The following UNC13C variants were observed in gnomAD, a reference collection of about 807,000 sequenced individuals.
UNC13C encodes the protein unc-13 homolog C, also known as protein unc-13 homolog C.
Under a neutral mutation model 245.4 loss-of-function variants are expected in UNC13C, and 174 were observed. That is an observed-to-expected ratio of 0.71 (90% CI 0.63 to 0.80). The LOEUF (loss-of-function observed/expected upper bound fraction) is 0.80, where lower values mean the gene tolerates loss of function less well. Ranked by LOEUF, UNC13C falls within the 30% of genes least tolerant of loss-of-function variation. UNC13C has a pLI of 0.00. For missense variants in UNC13C, 2,829 were observed against 2,602.9 expected (o/e 1.09, Z -1.89); for synonymous variants, 992 against 895.1 (o/e 1.11, Z -1.93).
At chr15:54,184,838 G>A (rs1238967487) in intron 4 of UNC13C, among the ~76,000 whole-genome samples, 1 of 152,142 alleles carries the variant, frequency 6.6e-6, no homozygotes, top group East Asian at 1.9e-4. Flanking sequence ...CTGAGCAATT[G>A]CCACACCGAC....
At chr15:54,037,654 T>A (rs963412315) in intron 2 of UNC13C, among the ~76,000 whole-genome samples, 4 of 152,100 alleles carry the variant, frequency 2.6e-5, no homozygotes, top group African/African-American at 7.2e-5. Context: ...GATTGGTCTG[T>A]TTTTGGATGT....
At chr15:54,367,136 C>T (rs1251121218) in intron 17 of UNC13C, among the ~76,000 whole-genome samples, 1 of 152,106 alleles carries the variant, frequency 6.6e-6, no homozygotes, top group Non-Finnish European at 1.5e-5. Flanking sequence ...TATAGTTTCT[C>T]AGAAGCTATC....
rs1236345263 is a variant in UNC13C at position 54,225,917 on chromosome 15, C to T, written c.3072-9113C>T. ...AAAGCAAATGCTTCCAGCTTTTGCCCATTCAGTATAATTTTGGCTGTGGGT... is the reference window on the plus strand; with the variant it reads ...AAAGCAAATGCTTCCAGCTTTTGCCTATTCAGTATAATTTTGGCTGTGGGT... On this transcript the variant is annotated intron_variant, in intron 4 of 32. Transcript: ENST00000260323. Among the ~76,000 whole-genome samples, 4 of 152,252 alleles carry T rather than the reference C, an allele frequency of 2.6e-5. 1 individual carries two copies. The highest frequency in any genetic ancestry group is 6.8e-3 in the Middle Eastern group (2 of 294).
the UNC13C span, among the ~76,000 whole-genome samples, chr15:53,905,715 T>C: frequency 6.6e-6 from 1 of 152,090 alleles, no homozygotes; most frequent in Admixed American, 6.6e-5. Flanking sequence ...GTAAGGTGAC[T>C]ATAGCTTACT....
chr15:53,894,907 A>G, the UNC13C span, among the ~76,000 whole-genome samples: 3,331 of 152,246 alleles, frequency 0.022, 141 homozygotes, highest in African/African-American at 0.076. Context: ...GGACTATATT[A>G]TTTCATTTAA....
At chr15:54,059,766 G>C (rs1363088159) in intron 2 of UNC13C, among the ~76,000 whole-genome samples, 1 of 152,148 alleles carries the variant, frequency 6.6e-6, no homozygotes, top group Non-Finnish European at 1.5e-5. Flanking sequence ...TACCAAAATA[G>C]AGATATAGAC....
intron 4 of UNC13C, among the ~76,000 whole-genome samples, chr15:54,202,421 A>G (rs1467662648): frequency 6.6e-6 from 1 of 152,032 alleles, no homozygotes; most frequent in East Asian, 1.9e-4. Flanking sequence ...TTCAAACTAT[A>G]CTATAAGCCA....
At chr15:54,525,507 T>G (rs1358453304) in intron 24 of UNC13C, 42 bp from the exon 25 acceptor site, 2 of 1,508,358 alleles carry the variant, frequency 1.3e-6, no homozygotes, top group Non-Finnish European at 1.8e-6. Context: ...AGGCATGCTT[T>G]CTCAAAACTC....
chr15:54,078,946 C>T (rs1026382591), intron 2 of UNC13C, among the ~76,000 whole-genome samples: 16 of 152,064 alleles, frequency 1.1e-4, no homozygotes, highest in African/African-American at 3.6e-4. Flanking sequence ...AGTTTCAGGT[C>T]TTACATTTAA....
At chr15:54,462,648 C>T (rs780702745) in intron 19 of UNC13C, among the ~76,000 whole-genome samples, 8 of 152,228 alleles carry the variant, frequency 5.3e-5, no homozygotes, top group Non-Finnish European at 1.0e-4. Flanking sequence ...CCGGCCTGCC[C>T]GCAATGCGCT....
chr15:53,983,078 G>A (rs16973928), intron 1 of UNC13C, among the ~76,000 whole-genome samples: 9,806 of 152,166 alleles, frequency 0.064, 907 homozygotes, highest in African/African-American at 0.21. Context: ...CCATGGAACT[G>A]CACATTTTGT....
the UNC13C span, among the ~76,000 whole-genome samples, chr15:53,851,573 TG>T: frequency 6.6e-6 from 1 of 152,172 alleles, no homozygotes; most frequent in Admixed American, 6.5e-5. Flanking sequence ...ACCTTTCACC[TG>T]CCCAAGGCAG....
At chr15:54,514,420 G>A (rs1483346971) in intron 24 of UNC13C, among the ~76,000 whole-genome samples, 1 of 152,152 alleles carries the variant, frequency 6.6e-6, no homozygotes, top group African/African-American at 2.4e-5. Flanking sequence ...TTCCAGGCTA[G>A]ACCTTATTCT....
chr15:54,281,190 G>T (rs1351184295), intron 10 of UNC13C, among the ~76,000 whole-genome samples: 2 of 152,098 alleles, frequency 1.3e-5, no homozygotes, highest in African/African-American at 4.8e-5. Context: ...AGTTTATAAA[G>T]TGCTATTATT....
chr15:53,913,614 G>T, the UNC13C span: 1 of 152,220 alleles, frequency 6.6e-6, no homozygotes, highest in Non-Finnish European at 1.5e-5. Flanking sequence ...CATCGACTGG[G>T]ACAGCACAGA....
chr15:54,439,706 G>A (rs1280288884), intron 19 of UNC13C, among the ~76,000 whole-genome samples: 1 of 151,756 alleles, frequency 6.6e-6, no homozygotes, highest in Non-Finnish European at 1.5e-5. Flanking sequence ...TTTGTTCCAT[G>A]CATATAATAT....
At chr15:54,035,759 C>T (rs767167984) in intron 2 of UNC13C, among the ~76,000 whole-genome samples, 4 of 152,044 alleles carry the variant, frequency 2.6e-5, no homozygotes, top group South Asian at 4.1e-4. Context: ...AATAGATGAG[C>T]GCACCCAATG....
At chr15:54,004,554 G>T (rs1408210757) in intron 1 of UNC13C, among the ~76,000 whole-genome samples, 5 of 152,250 alleles carry the variant, frequency 3.3e-5, no homozygotes, top group African/African-American at 1.2e-4. Context: ...TCATATGGTA[G>T]CTCTATTTTT....
rs1426811700 is a variant in UNC13C, at chr15:54,552,530, AATATAATTATATATTATATTGT to A, written c.5877+2859_5878-2861del. Among the ~76,000 whole-genome samples, 25 of 25,962 alleles carry A rather than the reference AATATAATTATATATTATATTGT, an allele frequency of 9.6e-4. 2 individuals carry two copies. The highest frequency in any genetic ancestry group is 7.0e-3 in the African/African-American group (25 of 3,562). 17.0% of individuals were successfully genotyped at this position (25,962 alleles called of 152,430 possible). On this transcript the variant is annotated intron_variant, in intron 28 of 32. Coordinates refer to ENST00000260323, the MANE Select transcript of UNC13C (RefSeq NM_001080534.3). Reference sequence around the variant, plus strand: ...TTATATATTATATATTATATATAATAATATAATTATATATTATATTGTATATAATTATATATTATATATAATT... The same window carrying A: ...TTATATATTATATATTATATATAATAATATAATTATATATTATATATAATT...
Sources: allele counts gnomAD v4.1 joint callset (sites outside exome capture counted in the v4.1 genomes callset), GRCh38; gene constraint gnomAD v4.1.1; transcripts MANE v1.5; gene names NCBI Gene and HGNC (gene_info 2026-07-23, HGNC 2026-07-21).